Variants in HTR2A observed in about 807,000 individuals in gnomAD.
HTR2A encodes the protein 5-hydroxytryptamine receptor 2A.
A neutral mutation model predicts 31.0 loss-of-function variants in HTR2A; 14 were observed. That is an observed-to-expected ratio of 0.45 (90% CI 0.30 to 0.71). The LOEUF (loss-of-function observed/expected upper bound fraction) is 0.71. HTR2A is among the 30% of genes least tolerant of loss of function. The pLI, the probability that HTR2A is intolerant of heterozygous loss-of-function variation, is 0.09. For synonymous variants in HTR2A, 209 were observed against 225.2 expected, an observed-to-expected ratio of 0.93 and a Z score of 0.64; for missense variants, 442 against 573.3, an observed-to-expected ratio of 0.77 and a Z score of 2.34.
chr13:46,834,670 G>A lies in HTR2A; in HGVS notation c.*167C>T, dbSNP rs878965083. 2.8e-5 allele frequency: 16 copies of A among 567,092 alleles called. No individual in the cohort carries two copies. The South Asian group carries it at 4.3e-4, about 15-fold the overall frequency. The allele number at this position is 567,092 out of a possible 1,614,324, so 35.1% of individuals were successfully genotyped here. A position where few individuals can be genotyped will look rare whatever the true frequency, so the allele number is the denominator to read the frequency against. On this transcript the variant is annotated 3_prime_UTR_variant, in exon 4 of 4. Transcript: ENST00000542664. ...AGAACATTTTCCAAGCACACATTTTGTAGCATTGAACCCCGCTTTTCATTG... is the reference window on the plus strand; with the variant it reads ...AGAACATTTTCCAAGCACACATTTTATAGCATTGAACCCCGCTTTTCATTG...
intron 3 of HTR2A, among the ~76,000 whole-genome samples, chr13:46,869,236 A>G (rs1244690541): frequency 6.6e-6 from 1 of 152,160 alleles, no homozygotes; most frequent in Non-Finnish European, 1.5e-5. Flanking sequence ...AAAACTCAAC[A>G]AACAGATAAA....
chr13:46,850,350 C>T (rs893566668), intron 3 of HTR2A, among the ~76,000 whole-genome samples: 1 of 152,198 alleles, frequency 6.6e-6, no homozygotes, highest in African/African-American at 2.4e-5. Context: ...CTCACTTACT[C>T]CTCACAGTCA....
chr13:46,894,225 C>T (rs1324880786), intron 2 of HTR2A, among the ~76,000 whole-genome samples: 1 of 152,134 alleles, frequency 6.6e-6, no homozygotes, highest in Non-Finnish European at 1.5e-5. Context: ...GGGCTGCTCT[C>T]AGAGCGGCGG....
In HTR2A at chr13:46,895,422, T is replaced by C. The variant is rs1364585891; in HGVS notation, c.412+73A>G. On this transcript the variant is annotated intron_variant, in intron 2 of 3. Transcript: ENST00000542664. The surrounding 1 kb of genome is among the most constrained non-coding windows in gnomAD (Gnocchi z 4.4). ...TAGTTTGTTTGCCCCCTGAGCCCCA[T>C]CTCATCTGCTGGTGGCATGCACATG... 2.4e-5 allele frequency: 33 copies of C among 1,397,256 alleles called. No individual in the cohort carries two copies. Among genetic ancestry groups the C allele is most frequent in the Non-Finnish European group, 3.2e-5 (33 of 1,016,490 alleles). 86.6% of individuals were successfully genotyped at this position (1,397,256 alleles called of 1,614,324 possible).
chr13:46,863,154 T>C (rs1352356869), intron 3 of HTR2A, among the ~76,000 whole-genome samples: 1 of 152,132 alleles, frequency 6.6e-6, no homozygotes, highest in African/African-American at 2.4e-5. Flanking sequence ...GTATAAATGG[T>C]TATACAAAAC....
In HTR2A at chr13:46,895,467, A is replaced by G; in HGVS notation, c.412+28T>C. The G allele has an allele frequency of 6.2e-7, 1 of 1,603,580 alleles. No individual in the cohort carries two copies. The highest frequency in any genetic ancestry group is 1.7e-4 in the Middle Eastern group (1 of 6,022). On this transcript the variant is annotated intron_variant, in intron 2 of 3. Coordinates refer to ENST00000542664, the MANE Select transcript of HTR2A (RefSeq NM_000621.5). The surrounding 1 kb of genome is among the most constrained non-coding windows in gnomAD (Gnocchi z 4.4). ...CACATGCTCTTTATTACCAGTGCGA[A>G]TATAGCTGGGAAACTAATGCCACTC... is the stretch of plus-strand genomic sequence containing the variant.
At chr13:46,835,921 A>T (rs968117655) in intron 3 of HTR2A, among the ~76,000 whole-genome samples, 3 of 152,218 alleles carry the variant, frequency 2.0e-5, no homozygotes, top group African/African-American at 7.2e-5. Context: ...TTATAATATT[A>T]TACTTATTAA....
intron 3 of HTR2A, among the ~76,000 whole-genome samples, chr13:46,837,029 A>T (rs1361983323): frequency 1.3e-5 from 2 of 152,210 alleles, no homozygotes; most frequent in Admixed American, 6.5e-5. Flanking sequence ...ATACAGGGGA[A>T]CATGGGCCTA....
chr13:46,853,438 T>C (rs1018892494), intron 3 of HTR2A, among the ~76,000 whole-genome samples: 6 of 152,106 alleles, frequency 3.9e-5, no homozygotes, highest in Non-Finnish European at 7.4e-5. Flanking sequence ...GTGCTCTCAG[T>C]GGTTGTTGGC....
chr13:46,893,752 G>A (rs537393501), intron 2 of HTR2A, among the ~76,000 whole-genome samples: 6 of 152,256 alleles, frequency 3.9e-5, no homozygotes, highest in Admixed American at 3.3e-4. Context: ...ACCTTAATTA[G>A]TTTTGATCAC....
intron 3 of HTR2A, among the ~76,000 whole-genome samples, chr13:46,839,784 G>T (rs1374153731): frequency 6.6e-6 from 1 of 152,090 alleles, no homozygotes; most frequent in Admixed American, 6.6e-5. Flanking sequence ...GCTTTGGTTG[G>T]TGTCTTTCTT....
At chr13:46,846,223 C>A (rs1199421289) in intron 3 of HTR2A, among the ~76,000 whole-genome samples, 1 of 152,012 alleles carries the variant, frequency 6.6e-6, no homozygotes, top group Admixed American at 6.6e-5. Context: ...GTGTACCCTT[C>A]AAGAGATGAT....
intron 3 of HTR2A, among the ~76,000 whole-genome samples, chr13:46,882,105 A>T (rs1950970048): frequency 6.6e-6 from 1 of 152,170 alleles, no homozygotes; most frequent in African/African-American, 2.4e-5. Flanking sequence ...TGCAAAAAGT[A>T]TGCCAGTCAA....
chr13:46,856,101 T>C (rs937607558), intron 3 of HTR2A: 1 of 152,202 alleles, frequency 6.6e-6, no homozygotes, highest in African/African-American at 2.4e-5. Flanking sequence ...AAACGAAGAG[T>C]GCTCTGGACA....
intron 3 of HTR2A, among the ~76,000 whole-genome samples, chr13:46,876,567 G>A (rs950144573): frequency 2.0e-5 from 3 of 150,816 alleles, no homozygotes; most frequent in Non-Finnish European, 3.0e-5. Flanking sequence ...CTGCCACCAC[G>A]CCCTACTAAT....
intron 2 of HTR2A, among the ~76,000 whole-genome samples, chr13:46,894,350 C>T (rs1951082900): frequency 6.6e-6 from 1 of 152,172 alleles, no homozygotes; most frequent in South Asian, 2.1e-4. Flanking sequence ...GAGTTTGCCC[C>T]CTAGGGGAGG....
chr13:46,888,542 T>C (rs1461512281), intron 3 of HTR2A, among the ~76,000 whole-genome samples: 1 of 145,566 alleles, frequency 6.9e-6, no homozygotes, highest in Non-Finnish European at 1.5e-5. Flanking sequence ...GAAAGCAAAA[T>C]AAAGATGCTT....
chr13:46,867,756 T>G (rs1164868859), intron 3 of HTR2A, among the ~76,000 whole-genome samples: 1 of 152,216 alleles, frequency 6.6e-6, no homozygotes, highest in Non-Finnish European at 1.5e-5. Context: ...CTGGGACTTG[T>G]GCAACTACTG....
rs114898971 is a variant in HTR2A, at chr13:46,884,026, G to A, written c.613+8364C>T. Among the ~76,000 whole-genome samples the A allele has an allele frequency of 7.9e-3, 1,199 of 152,332 alleles. 17 individuals carry two copies. Among genetic ancestry groups the A allele is most frequent in the African/African-American group, 0.027 (1,120 of 41,578 alleles). On this transcript the variant is annotated intron_variant, in intron 3 of 3. Coordinates refer to ENST00000542664, the MANE Select transcript of HTR2A (RefSeq NM_000621.5). ...TTGACTAATCTATGATGTGGTTACC[G>A]AGGTGAAAATGTGTCAGATCCTTGC...
Sources: gnomAD v4.1 joint callset for allele counts (sites outside exome capture counted in the v4.1 genomes callset) on GRCh38, gnomAD v4.1.1 for gene constraint, Gnocchi (gnomAD v3.1) non-coding constraint, MANE v1.5 for transcripts, NCBI Gene and HGNC (gene_info 2026-07-23, HGNC 2026-07-21) for gene names.